The following PREX1 variants were observed in gnomAD, a reference collection of about 807,000 sequenced individuals.
The protein encoded by PREX1 is phosphatidylinositol 3,4,5-trisphosphate-dependent Rac exchanger 1 protein.
PREX1 carries 41 observed loss-of-function variants against 198.3 expected under a neutral mutation model. The ratio of observed to expected loss-of-function variants is 0.21; its 90% CI spans 0.16 to 0.27. The LOEUF is 0.27. Ranked by LOEUF, PREX1 falls within the 10% of genes least tolerant of loss-of-function variation. The pLI, the probability that PREX1 is intolerant of heterozygous loss-of-function variation, is 1.00. For missense variants in PREX1, 1,620 were observed against 2,200.7 expected, an observed-to-expected ratio of 0.74 and a Z score of 5.28; for synonymous variants, 843 against 887.2, an observed-to-expected ratio of 0.95 and a Z score of 0.89.
chr20:48,783,851 G>A (rs1380011500), intron 1 of PREX1, among the ~76,000 whole-genome samples: 1 of 152,184 alleles, frequency 6.6e-6, no homozygotes, highest in African/African-American at 2.4e-5. Context: ...CCCCAAATGA[G>A]CTGGCCACTT....
At position 48,691,104 on chromosome 20, in the gene PREX1, G is replaced by A. The variant is rs757185123; in HGVS notation, c.1037-8C>T. On this transcript the variant is annotated splice_polypyrimidine_tract_variant and splice_region_variant and intron_variant, in intron 8 of 39. Coordinates refer to ENST00000371941, the MANE Select transcript of PREX1 (RefSeq NM_020820.4). The surrounding 1 kb of genome is among the most constrained non-coding windows in gnomAD (Gnocchi z 5.0). ...CGTTGCTATGGTAATCCGCTGGTGG[G>A]GGCAGGAGGCAAAGGTGCAGCAGAG... 6.2e-7 allele frequency: 1 copy of A among 1,614,164 alleles called. No homozygotes were observed. The highest frequency in any genetic ancestry group is 8.5e-7 in the Non-Finnish European group (1 of 1,180,016).
intron 6 of PREX1, among the ~76,000 whole-genome samples, chr20:48,705,194 G>A (rs1205558645): frequency 6.6e-6 from 1 of 152,226 alleles, no homozygotes; most frequent in Non-Finnish European, 1.5e-5. Context: ...CTGAGGCAAA[G>A]GAATCTCTCC....
chr20:48,797,131 G>A (rs376299866), intron 1 of PREX1, among the ~76,000 whole-genome samples: 32 of 151,856 alleles, frequency 2.1e-4, no homozygotes, highest in African/African-American at 3.6e-4. Context: ...GACTGATCAC[G>A]GTGGAAAGCA....
At chr20:48,641,806 G>GAAGGGAA (rs955991517) in intron 29 of PREX1, among the ~76,000 whole-genome samples, 4 of 130,888 alleles carry the variant, frequency 3.1e-5, no homozygotes, top group Non-Finnish European at 6.3e-5. Flanking sequence ...AAACAAGAAA[G>GAAGGGAA]AAAGAAAGAA....
At chr20:48,643,223 C>T (rs1328807555) in intron 27 of PREX1, among the ~76,000 whole-genome samples, 2 of 152,230 alleles carry the variant, frequency 1.3e-5, no homozygotes, top group Non-Finnish European at 2.9e-5. Flanking sequence ...TTAATCCCAG[C>T]AATTTGGGAG....
chr20:48,737,628 G>A (rs2090063002), intron 3 of PREX1, among the ~76,000 whole-genome samples: 1 of 152,168 alleles, frequency 6.6e-6, no homozygotes, highest in South Asian at 2.1e-4. Context: ...ACATGACCCA[G>A]ACAAAACCAA....
chr20:48,773,555 A>C (rs1040162526), intron 1 of PREX1, among the ~76,000 whole-genome samples: 1 of 152,220 alleles, frequency 6.6e-6, no homozygotes, highest in Non-Finnish European at 1.5e-5. Flanking sequence ...TGACATGAAG[A>C]GGTGGGGACA....
Position 48,827,673 on chromosome 20 carries a change from T to G in PREX1, c.188A>C (p.Asp63Ala). ...VLNEILGTERDYVGTLRFLQS... is the reference protein window; with the variant it reads ...VLNEILGTERAYVGTLRFLQS... ...CAAGAAGCGCAAGGTGCCCACGTAG[T>G]CCCTCTCGGTGCCCAAGATCTCGTT... The change falls in exon 1 of 40, where the codon GAC (aspartate) becomes GCC (alanine). Residue 63 changes from aspartate (D) to alanine (A), a missense_variant. By Grantham distance (126) the Asp-to-Ala change is moderately radical. Coordinates refer to ENST00000371941, the MANE Select transcript of PREX1 (RefSeq NM_020820.4). The surrounding 1 kb of genome is among the most constrained non-coding windows in gnomAD (Gnocchi z 4.1). 7.4e-7 allele frequency: 1 copy of G among 1,356,352 alleles called. No homozygotes were observed. Among genetic ancestry groups the G allele is most frequent in the Non-Finnish European group, 9.6e-7 (1 of 1,042,502 alleles). The allele number at this position is 1,356,352 out of a possible 1,614,324, so 84.0% of individuals were successfully genotyped here.
chr20:48,820,326 G>T (rs1298164769), intron 1 of PREX1, among the ~76,000 whole-genome samples: 3 of 152,278 alleles, frequency 2.0e-5, no homozygotes, highest in Non-Finnish European at 2.9e-5. Context: ...AGGAGTGCTG[G>T]GGTCATCCCC....
the PREX1 span, among the ~76,000 whole-genome samples, chr20:48,885,841 T>C: frequency 2.6e-5 from 4 of 152,278 alleles, no homozygotes; most frequent in East Asian, 1.9e-4. Context: ...TTCAACGACA[T>C]GACATTCTGG....
intron 1 of PREX1, among the ~76,000 whole-genome samples, chr20:48,815,161 G>T (rs187539044): frequency 1.4e-4 from 22 of 152,252 alleles, no homozygotes; most frequent in Non-Finnish European, 2.8e-4. Context: ...ACTCAAAGGA[G>T]AAAAACATAA....
In PREX1 at chr20:48,824,384, G is replaced by T. The variant is rs1479518473; in HGVS notation, c.219+3258C>A. Among the ~76,000 whole-genome samples, 3 of 152,224 alleles carry T rather than the reference G, an allele frequency of 2.0e-5. No homozygotes were observed. The East Asian group carries it at 5.8e-4, about 29-fold the overall frequency. ...GGTTCCTGTGGCCGGAGTTTAGGGT[G>T]TCAAAAGGAAACTCACTCAGAGCCC... On this transcript the variant is annotated intron_variant, in intron 1 of 39. Coordinates refer to ENST00000371941, the MANE Select transcript of PREX1 (RefSeq NM_020820.4).
In PREX1 at chr20:48,644,508, G is replaced by T; in HGVS notation, c.3513-11C>A. 6.2e-7 allele frequency: 1 copy of T among 1,611,160 alleles called. No individual in the cohort carries two copies. Among genetic ancestry groups the T allele is most frequent in the Non-Finnish European group, 8.5e-7 (1 of 1,178,192 alleles). On this transcript the variant is annotated splice_polypyrimidine_tract_variant and intron_variant, in intron 26 of 39. Transcript: ENST00000371941. ...TTGCTGTTACACTCGCTGCAAAGGG[G>T]CCCAGAGAAGGGGCTGAGTCACCCT... is the stretch of plus-strand genomic sequence containing the variant.
intron 6 of PREX1, among the ~76,000 whole-genome samples, chr20:48,707,768 C>G (rs2089910041): frequency 6.6e-6 from 1 of 152,176 alleles, no homozygotes; most frequent in Admixed American, 6.5e-5. Context: ...ATACTAACAG[C>G]TACCATTTAT....
At chr20:48,756,388 GATTT>G (rs1489856889) in intron 1 of PREX1, among the ~76,000 whole-genome samples, 1 of 152,130 alleles carries the variant, frequency 6.6e-6, no homozygotes, top group Admixed American at 6.5e-5. Flanking sequence ...CCAAATTTTG[GATTT>G]GAAACATCCT....
intron 22 of PREX1, 103 bp from the exon 23 acceptor site, chr20:48,651,158 A>C (rs2089493279): frequency 7.0e-6 from 10 of 1,430,046 alleles, no homozygotes; most frequent in Non-Finnish European, 9.4e-6. Context: ...CCCCCCGGGA[A>C]GTCAGGTGTG....
intron 18 of PREX1, among the ~76,000 whole-genome samples, chr20:48,655,695 A>T (rs2089537723): frequency 6.6e-6 from 1 of 152,080 alleles, no homozygotes; most frequent in Admixed American, 6.5e-5. Context: ...AGGTGAGACC[A>T]GCACTCCAAC....
At chr20:48,632,432 C>G (rs1279629049) in intron 34 of PREX1, 41 bp from the exon 35 acceptor site, 1 of 1,613,240 alleles carries the variant, frequency 6.2e-7, no homozygotes, top group Non-Finnish European at 8.5e-7. Flanking sequence ...CGGTTGGGAG[C>G]CGGTGTGCTT....
At chr20:48,817,857 T>G (rs59158948) in intron 1 of PREX1, among the ~76,000 whole-genome samples, 1,535 of 152,270 alleles carry the variant, frequency 0.01, 19 homozygotes, top group African/African-American at 0.035. Context: ...TAGCAGGCAT[T>G]GTTGGTGCTG....
Sources: allele counts gnomAD v4.1 joint callset (sites outside exome capture counted in the v4.1 genomes callset), GRCh38; gene constraint gnomAD v4.1.1; non-coding constraint Gnocchi (gnomAD v3.1); transcripts MANE v1.5; gene names NCBI Gene and HGNC (gene_info 2026-07-23, HGNC 2026-07-21).